The following TAFA4 variants were observed in gnomAD, a reference collection of about 807,000 sequenced individuals.
TAFA4 encodes chemokine-like protein TAFA-4.
A neutral mutation model predicts 21.1 loss-of-function variants in TAFA4; 20 were observed. That is an observed-to-expected ratio of 0.95 (90% CI 0.67 to 1.38). The LOEUF is 1.38. TAFA4 is among the 40% of genes most tolerant of loss of function. The probability of loss-of-function intolerance (pLI) is 0.00; values close to 1 mark genes in which losing one functional copy is unlikely to be tolerated. For missense variants in TAFA4, 211 were observed against 180.9 expected, an observed-to-expected ratio of 1.17 and a Z score of -0.95; for synonymous variants, 71 against 67.4, an observed-to-expected ratio of 1.05 and a Z score of -0.26.
In TAFA4 at chr3:68,752,931, G is replaced by C; in HGVS notation, c.218C>G (p.Thr73Arg). The change falls in exon 4 of 6, where the codon ACG (threonine) becomes AGG (arginine). Residue 73 changes from threonine to arginine, a missense_variant. Coordinates refer to ENST00000295569, the MANE Select transcript of TAFA4 (RefSeq NM_182522.5). Reference sequence around the variant, plus strand: ...TCCCGGGAAGCAAGAGCACTTGACCGTTTGTGACCGCTCTTCTATGCGGTT... The same window carrying C: ...TCCCGGGAAGCAAGAGCACTTGACCCTTTGTGACCGCTCTTCTATGCGGTT... ...NKNRIEERSQ[T>R]VKCSCFPGQV... 1 of 1,614,038 alleles carries C rather than the reference G, an allele frequency of 6.2e-7. No homozygotes were observed.
intron 2 of TAFA4, among the ~76,000 whole-genome samples, chr3:68,881,731 T>C (rs2089620569): frequency 6.6e-6 from 1 of 152,204 alleles, no homozygotes; most frequent in African/African-American, 2.4e-5. Flanking sequence ...CCCTGTTTAA[T>C]ATATGCAAAT....
intron 3 of TAFA4, among the ~76,000 whole-genome samples, chr3:68,815,490 A>G (rs1418581110): frequency 6.6e-6 from 1 of 152,228 alleles, no homozygotes; most frequent in Admixed American, 6.5e-5. Context: ...AACCCCATCA[A>G]AAAGTGGGCA....
intron 3 of TAFA4, among the ~76,000 whole-genome samples, chr3:68,769,384 A>C (rs1702911761): frequency 6.6e-6 from 1 of 152,206 alleles, no homozygotes; most frequent in Non-Finnish European, 1.5e-5. Context: ...AATAAAGTGC[A>C]CAATAAATGT....
chr3:68,736,454 T>C (rs1440192715), intron 5 of TAFA4, among the ~76,000 whole-genome samples: 1 of 152,162 alleles, frequency 6.6e-6, no homozygotes, highest in Non-Finnish European at 1.5e-5. Context: ...GCTATTAATA[T>C]TCAAGTTAAC....
At chr3:68,834,827 TG>T (rs1261234138) in intron 3 of TAFA4, among the ~76,000 whole-genome samples, 3 of 152,180 alleles carry the variant, frequency 2.0e-5, no homozygotes, top group Non-Finnish European at 4.4e-5. Flanking sequence ...CTGCCTCTGC[TG>T]CTATTCCCTT....
intron 3 of TAFA4, among the ~76,000 whole-genome samples, chr3:68,761,674 T>C (rs1179366668): frequency 6.6e-6 from 1 of 152,174 alleles, no homozygotes; most frequent in African/African-American, 2.4e-5. Context: ...TTTGAGCTTA[T>C]AATGACTTAA....
At position 68,752,929 on chromosome 3, in the gene TAFA4, C is replaced by T. The variant is rs768423607; in HGVS notation, c.220G>A (p.Val74Ile). The T allele has an allele frequency of 1.2e-5, 19 of 1,613,954 alleles. No individual in the cohort carries two copies. Among genetic ancestry groups the T allele is most frequent in the Non-Finnish European group, 1.5e-5 (18 of 1,180,014 alleles). ...TGTCCCGGGAAGCAAGAGCACTTGA[C>T]CGTTTGTGACCGCTCTTCTATGCGG... ...KNRIEERSQT[V>I]KCSCFPGQVA... Residue 74 changes from valine to isoleucine, a missense_variant, in exon 4 of 6, where the codon GTC becomes ATC. Val to Ile is a conservative substitution (Grantham distance 29, BLOSUM62 3). Coordinates refer to ENST00000295569, the MANE Select transcript of TAFA4 (RefSeq NM_182522.5).
chr3:68,875,057 TG>T (rs1209897076), intron 3 of TAFA4, among the ~76,000 whole-genome samples: 3 of 152,134 alleles, frequency 2.0e-5, no homozygotes, highest in African/African-American at 7.2e-5. Context: ...AAAGCTGAGC[TG>T]GTACAAAATG....
intron 3 of TAFA4, among the ~76,000 whole-genome samples, chr3:68,781,533 A>G (rs1703153904): frequency 6.6e-6 from 1 of 152,066 alleles, no homozygotes; most frequent in African/African-American, 2.4e-5. Context: ...TATTTGAAAA[A>G]TTCCTGAAAA....
At chr3:68,881,241 C>G (rs1338352360) in intron 2 of TAFA4, among the ~76,000 whole-genome samples, 1 of 152,118 alleles carries the variant, frequency 6.6e-6, no homozygotes, top group African/African-American at 2.4e-5. Context: ...GGAGATTTTG[C>G]ACATGTGGTC....
chr3:68,852,218 T>C (rs1372454408), intron 3 of TAFA4, among the ~76,000 whole-genome samples: 1 of 152,092 alleles, frequency 6.6e-6, no homozygotes, highest in Non-Finnish European at 1.5e-5. Flanking sequence ...AGAGGACTCT[T>C]TTGTGCCATG....
intron 2 of TAFA4, among the ~76,000 whole-genome samples, chr3:68,881,375 G>A (rs1559552720): frequency 1.3e-5 from 2 of 152,084 alleles, no homozygotes; most frequent in African/African-American, 2.4e-5. Flanking sequence ...AAATACAGGT[G>A]AATATAAAAT....
At chr3:68,780,193 G>A (rs1486327537) in intron 3 of TAFA4, among the ~76,000 whole-genome samples, 5 of 152,232 alleles carry the variant, frequency 3.3e-5, no homozygotes, top group Non-Finnish European at 7.3e-5. Context: ...TATATAGGAA[G>A]TAACTAACTT....
chr3:68,845,553 C>T (rs1704767775), intron 3 of TAFA4, among the ~76,000 whole-genome samples: 2 of 152,122 alleles, frequency 1.3e-5, no homozygotes, highest in Non-Finnish European at 2.9e-5. Context: ...GAATTTGATG[C>T]TGTCATTATG....
intron 1 of TAFA4, among the ~76,000 whole-genome samples, chr3:68,917,352 A>C (rs1454662093): frequency 6.6e-6 from 1 of 152,174 alleles, no homozygotes; most frequent in African/African-American, 2.4e-5. Flanking sequence ...GTGGTTCTAC[A>C]GTTTGAGTTT....
rs543618200 is a variant in TAFA4, at chr3:68,917,596, T to C, written c.-123+14644A>G. On this transcript the variant is annotated intron_variant, in intron 1 of 5. Transcript: ENST00000295569. ...GGTGAAACCCCATCTCTACTACAAA[T>C]ACAAAAAATTAGCCGGGCGTGGTGG... Among the ~76,000 whole-genome samples the C allele has an allele frequency of 9.2e-5, 14 of 151,492 alleles. No individual in the cohort carries two copies. In the East Asian group the frequency reaches 2.5e-3, roughly 27 times the overall value.
intron 3 of TAFA4, among the ~76,000 whole-genome samples, chr3:68,837,824 T>C (rs534777385): frequency 1.3e-5 from 2 of 152,322 alleles, no homozygotes; most frequent in East Asian, 1.9e-4. Flanking sequence ...TTTATATTAA[T>C]GACTTTTTTG....
intron 1 of TAFA4, among the ~76,000 whole-genome samples, chr3:68,902,116 T>G (rs2089849198): frequency 1.3e-5 from 2 of 152,174 alleles, no homozygotes; most frequent in Non-Finnish European, 2.9e-5. Context: ...CTAATGTACT[T>G]TGAGGCAGTT....
intron 1 of TAFA4, among the ~76,000 whole-genome samples, chr3:68,902,235 C>T (rs78468642): frequency 5.7e-5 from 8 of 139,338 alleles, no homozygotes; most frequent in Non-Finnish European, 1.3e-4. Context: ...AAGCCAGGTT[C>T]CCAAGTCTGC....
Sources: allele counts gnomAD v4.1 joint callset (sites outside exome capture counted in the v4.1 genomes callset), GRCh38; gene constraint gnomAD v4.1.1; transcripts MANE v1.5; gene names NCBI Gene and HGNC (gene_info 2026-07-23, HGNC 2026-07-21).